CARMIL1: variants seen among roughly 807,000 people sequenced by gnomAD.
CARMIL1 encodes the protein F-actin-uncapping protein LRRC16A.
A neutral mutation model predicts 177.1 loss-of-function variants in CARMIL1; 90 were observed. The ratio of observed to expected loss-of-function variants is 0.51; its 90% CI spans 0.43 to 0.61. CARMIL1 has a LOEUF of 0.61. CARMIL1 is among the 20% of genes least tolerant of loss of function. The pLI is 0.00. For missense variants in CARMIL1, 1,380 were observed against 1,667.0 expected (o/e 0.83, Z 3.00); for synonymous variants, 577 against 606.2 (o/e 0.95, Z 0.71).
chr6:25,585,591 C>T (rs192345881), intron 31 of CARMIL1, among the ~76,000 whole-genome samples: 81 of 152,022 alleles, frequency 5.3e-4, no homozygotes, highest in Non-Finnish European at 1.0e-3. Flanking sequence ...AGGTGTTTCT[C>T]GTAGAGGGGG....
chr6:25,567,802 C>T (rs1811686183), intron 29 of CARMIL1, among the ~76,000 whole-genome samples: 1 of 152,190 alleles, frequency 6.6e-6, no homozygotes, highest in Non-Finnish European at 1.5e-5. Context: ...GTGATTCTGT[C>T]TAAATTTCTA....
chr6:25,454,653 G>GT (rs750167161), intron 8 of CARMIL1, among the ~76,000 whole-genome samples: 6 of 151,952 alleles, frequency 3.9e-5, no homozygotes, highest in East Asian at 1.9e-4. Flanking sequence ...ATTTTTTACT[G>GT]TTTTTTTTAC....
intron 2 of CARMIL1, among the ~76,000 whole-genome samples, chr6:25,324,283 G>A (rs1784901746): frequency 6.6e-6 from 1 of 152,124 alleles, no homozygotes; most frequent in African/African-American, 2.4e-5. Flanking sequence ...GGCCCTGAAT[G>A]GTGTCAGAGT....
chr6:25,350,517 T>G (rs189320474), intron 2 of CARMIL1: 7 of 152,262 alleles, frequency 4.6e-5, no homozygotes, highest in African/African-American at 1.4e-4. Flanking sequence ...CCCTTTATTC[T>G]CGTTTTTGGG....
rs552531727 is a variant in CARMIL1 at position 25,365,909 on chromosome 6, TAAG to T, written c.139-54200_139-54198del. ...TGAAATGTATGTGGGATGTAGTATT[TAAG>T]AAGATTAGGAAACAGCAAAATGTGT... On this transcript the variant is annotated intron_variant, in intron 2 of 36. Coordinates refer to ENST00000329474, the MANE Select transcript of CARMIL1 (RefSeq NM_017640.6). 9.2e-5 allele frequency among the ~76,000 whole-genome samples: 14 copies of T among 152,306 alleles called. No individual in the cohort carries two copies. In the East Asian group the frequency reaches 2.5e-3, roughly 27 times the overall value.
At chr6:25,390,320 A>ATATATATATATATATATTTT (rs1554184839) in intron 2 of CARMIL1, among the ~76,000 whole-genome samples, 1 of 58,102 alleles carries the variant, frequency 1.7e-5, no homozygotes, top group Non-Finnish European at 3.3e-5. Context: ...ATATATATAT[A>ATATATATATATATATATTTT]TTTTTTTTTT....
At chr6:25,598,103 T>A (rs1815027855) in intron 32 of CARMIL1, among the ~76,000 whole-genome samples, 1 of 152,124 alleles carries the variant, frequency 6.6e-6, no homozygotes, top group African/African-American at 2.4e-5. Context: ...ATTTTTTAAT[T>A]TTTTTAAAAA....
chr6:25,550,863 C>A (rs755639568), intron 26 of CARMIL1, 47 bp from the exon 27 acceptor site: 1 of 1,534,064 alleles, frequency 6.5e-7, no homozygotes, highest in South Asian at 1.2e-5. Context: ...GCGGGCACCT[C>A]GGGTGCAGTG....
At chr6:25,606,002 A>C in intron 34 of CARMIL1, 59 bp from the exon 35 acceptor site, 1 of 1,233,012 alleles carries the variant, frequency 8.1e-7, no homozygotes, top group South Asian at 1.4e-5. Context: ...CCAGACTTCT[A>C]GCTTCAAGTT....
Position 25,577,101 on chromosome 6 carries a change from G to A in CARMIL1, c.2743-3823G>A. 1 of 985,338 alleles carries A rather than the reference G, an allele frequency of 1.0e-6. No homozygotes were observed. The highest frequency in any genetic ancestry group is 4.7e-5 in the South Asian group (1 of 21,266). The allele number at this position is 985,338 out of a possible 1,614,324, so 61.0% of individuals were successfully genotyped here. ...TGGTCTCCCAGGAGACTGTAGTGTT[G>A]TCATCCATCTGCAGATCCTGAATGA... On this transcript the variant is annotated intron_variant, in intron 29 of 36. Transcript: ENST00000329474. This position sits in a 1 kb window ranked among gnomAD's most constrained non-coding sequence, Gnocchi z 4.5.
At chr6:25,591,148 A>G (rs1431101097) in intron 31 of CARMIL1, among the ~76,000 whole-genome samples, 2 of 152,190 alleles carry the variant, frequency 1.3e-5, no homozygotes, top group Non-Finnish European at 2.9e-5. Flanking sequence ...CCATCTAGCC[A>G]ATGAAGACAT....
rs1414662401 is a variant in CARMIL1, at chr6:25,340,776, G to GGTTTTTT, written c.138+55868_138+55874dup. Among the ~76,000 whole-genome samples the GGTTTTTT allele has an allele frequency of 2.9e-3, 196 of 68,608 alleles. 1 individual carries two copies. Among genetic ancestry groups the GGTTTTTT allele is most frequent in the Middle Eastern group, 0.012 (1 of 86 alleles). 45.0% of individuals were successfully genotyped at this position (68,608 alleles called of 152,430 possible). A position where few individuals can be genotyped will look rare whatever the true frequency, so the allele number is the denominator to read the frequency against. On this transcript the variant is annotated intron_variant, in intron 2 of 36. Transcript: ENST00000329474. ...AAAGCTGGAGAAGGCTGTCAATGAA[G>GGTTTTTT]GTTTTTTTTTTTTTTTTTTTTTTTT... is the stretch of plus-strand genomic sequence containing the variant.
At position 25,489,578 on chromosome 6, in the gene CARMIL1, A is replaced by G. The variant is rs142386482; in HGVS notation, c.1065+993A>G. Among the ~76,000 whole-genome samples, 17 of 152,330 alleles carry G rather than the reference A, an allele frequency of 1.1e-4. No individual in the cohort carries two copies. The East Asian group carries it at 3.3e-3, about 29-fold the overall frequency. On this transcript the variant is annotated intron_variant, in intron 13 of 36. Coordinates refer to ENST00000329474, the MANE Select transcript of CARMIL1 (RefSeq NM_017640.6). ...AAGATAGAATTGTTTCTTTAACAAC[A>G]TGGCCTACACCCAGCGGCCATCTTT...
At chr6:25,360,570 T>G (rs1789089057) in intron 2 of CARMIL1, among the ~76,000 whole-genome samples, 1 of 152,190 alleles carries the variant, frequency 6.6e-6, no homozygotes, top group South Asian at 2.1e-4. Context: ...TTGGCAATTA[T>G]TTTTTTCTCT....
rs566566804 is a variant in CARMIL1, at chr6:25,298,478, G to A, written c.138+13569G>A. Among the ~76,000 whole-genome samples the A allele has an allele frequency of 5.6e-4, 85 of 152,144 alleles. 1 individual carries two copies. Among genetic ancestry groups the A allele is most frequent in the Non-Finnish European group, 1.0e-3 (70 of 68,028 alleles). On this transcript the variant is annotated intron_variant, in intron 2 of 36. Transcript: ENST00000329474. ...TTGAGAAATCTTTTTTAAAGAAAGGGTTCAAGTTCAGTGTTGAGAAATTTG... is the reference window on the plus strand; with the variant it reads ...TTGAGAAATCTTTTTTAAAGAAAGGATTCAAGTTCAGTGTTGAGAAATTTG...
At chr6:25,564,830 T>A (rs528548530) in intron 29 of CARMIL1, among the ~76,000 whole-genome samples, 1 of 151,438 alleles carries the variant, frequency 6.6e-6, no homozygotes, top group South Asian at 2.1e-4. Context: ...CAGACTGAGG[T>A]GGTTATACAT....
chr6:25,396,631 G>T (rs1793425816), intron 2 of CARMIL1, among the ~76,000 whole-genome samples: 1 of 152,102 alleles, frequency 6.6e-6, no homozygotes, highest in East Asian at 1.9e-4. Flanking sequence ...CAAAGTGCTG[G>T]GATTACAGGC....
intron 2 of CARMIL1, among the ~76,000 whole-genome samples, chr6:25,285,138 G>A (rs1781433095): frequency 6.6e-6 from 1 of 152,138 alleles, no homozygotes; most frequent in Non-Finnish European, 1.5e-5. Flanking sequence ...TCTCAAAGTT[G>A]TAATTGCTGC....
chr6:25,605,589 T>C (rs140059613), intron 34 of CARMIL1, among the ~76,000 whole-genome samples: 64 of 152,312 alleles, frequency 4.2e-4, no homozygotes, highest in South Asian at 8.3e-4. Flanking sequence ...GGAGCTGTTC[T>C]CACTAAACAT....
Sources: allele counts gnomAD v4.1 joint callset (sites outside exome capture counted in the v4.1 genomes callset), GRCh38; gene constraint gnomAD v4.1.1; non-coding constraint Gnocchi (gnomAD v3.1); transcripts MANE v1.5; gene names NCBI Gene and HGNC (gene_info 2026-07-23, HGNC 2026-07-21).